LHFPL3: variants seen among roughly 807,000 people sequenced by gnomAD.
LHFPL3 encodes LHFPL tetraspan subfamily member 3, also known as LHFPL tetraspan subfamily member 3 protein.
LHFPL3 carries 5 observed loss-of-function variants against 19.3 expected under a neutral mutation model. The observed-to-expected ratio is 0.26, with a 90% CI of 0.14 to 0.54. LHFPL3 has a LOEUF of 0.54. Ranked by LOEUF, LHFPL3 falls within the 20% of genes least tolerant of loss-of-function variation. The probability of loss-of-function intolerance (pLI) is 0.94; values close to 1 mark genes in which losing one functional copy is unlikely to be tolerated. For synonymous variants in LHFPL3, 133 were observed against 126.2 expected (o/e 1.05, Z -0.36); for missense variants, 249 against 307.4 (o/e 0.81, Z 1.42).
intron 1 of LHFPL3, among the ~76,000 whole-genome samples, chr7:104,479,548 T>A (rs1793091461): frequency 6.6e-6 from 1 of 152,112 alleles, no homozygotes; most frequent in Non-Finnish European, 1.5e-5. Flanking sequence ...CCCACCACCA[T>A]GCCTGGCTAA....
At chr7:104,400,209 A>G (rs1791288179) in intron 1 of LHFPL3, among the ~76,000 whole-genome samples, 1 of 147,188 alleles carries the variant, frequency 6.8e-6, no homozygotes, top group Non-Finnish European at 1.5e-5. Flanking sequence ...ATCTTTGAGC[A>G]TTCACTCAGG....
chr7:104,455,450 G>A (rs528349642), intron 1 of LHFPL3, among the ~76,000 whole-genome samples: 1 of 152,276 alleles, frequency 6.6e-6, no homozygotes, highest in South Asian at 2.1e-4. Flanking sequence ...GCTAGGCGTG[G>A]CAGCTCACAC....
At chr7:104,829,286 A>C (rs1790887421) in intron 2 of LHFPL3, among the ~76,000 whole-genome samples, 1 of 151,170 alleles carries the variant, frequency 6.6e-6, no homozygotes, top group Non-Finnish European at 1.5e-5. Context: ...AAGTAAAAGG[A>C]CCCACTCTTG....
chr7:104,567,432 T>C (rs1335651048), intron 1 of LHFPL3, among the ~76,000 whole-genome samples: 1 of 152,216 alleles, frequency 6.6e-6, no homozygotes, highest in Non-Finnish European at 1.5e-5. Context: ...ATATGGACTT[T>C]GTATATTCTT....
chr7:104,693,413 A>C (rs1792941148), intron 1 of LHFPL3, among the ~76,000 whole-genome samples: 1 of 152,082 alleles, frequency 6.6e-6, no homozygotes, highest in African/African-American at 2.4e-5. Flanking sequence ...TTGTGTTCCC[A>C]CCCAAATCTC....
intron 1 of LHFPL3, among the ~76,000 whole-genome samples, chr7:104,442,213 A>G (rs142835209): frequency 7.7e-4 from 114 of 147,994 alleles, no homozygotes; most frequent in African/African-American, 2.8e-3. Context: ...AGAAAAGTCT[A>G]TTCAATTCTT....
At chr7:104,371,052 G>A (rs1790603610) in intron 1 of LHFPL3, among the ~76,000 whole-genome samples, 1 of 152,052 alleles carries the variant, frequency 6.6e-6, no homozygotes, top group Non-Finnish European at 1.5e-5. Context: ...TGTAATAAAT[G>A]CATGGTTTGC....
chr7:104,580,595 A>G (rs1389817988), intron 1 of LHFPL3, among the ~76,000 whole-genome samples: 1 of 152,134 alleles, frequency 6.6e-6, no homozygotes, highest in Non-Finnish European at 1.5e-5. Context: ...AAAGTTAGGC[A>G]TATTATTCAA....
intron 1 of LHFPL3, among the ~76,000 whole-genome samples, chr7:104,528,064 A>G (rs1007564241): frequency 3.9e-5 from 6 of 152,204 alleles, no homozygotes; most frequent in African/African-American, 7.2e-5. Context: ...AGAGGGTGCG[A>G]GATTCATGTG....
chr7:104,478,651 T>C (rs1793072773), intron 1 of LHFPL3, among the ~76,000 whole-genome samples: 1 of 152,174 alleles, frequency 6.6e-6, no homozygotes, highest in South Asian at 2.1e-4. Flanking sequence ...TACAGTGTGT[T>C]CCATGCATTC....
chr7:104,870,648 A>G (rs1482334413), intron 2 of LHFPL3, among the ~76,000 whole-genome samples: 1 of 152,204 alleles, frequency 6.6e-6, no homozygotes, highest in African/African-American at 2.4e-5. Context: ...GTGGTCTGTG[A>G]CAACGGGAGC....
chr7:104,653,998 A>G (rs1366996496), intron 1 of LHFPL3, among the ~76,000 whole-genome samples: 1 of 152,164 alleles, frequency 6.6e-6, no homozygotes, highest in Non-Finnish European at 1.5e-5. Context: ...CTGCATGACA[A>G]TGCTCACATT....
intron 2 of LHFPL3, among the ~76,000 whole-genome samples, chr7:104,813,071 G>A (rs1584548734): frequency 6.6e-6 from 1 of 151,592 alleles, no homozygotes; most frequent in Non-Finnish European, 1.5e-5. Flanking sequence ...CCGAGATCAT[G>A]CCACTGCACT....
chr7:104,807,327 G>T (rs1275399791), intron 2 of LHFPL3, among the ~76,000 whole-genome samples: 1 of 152,104 alleles, frequency 6.6e-6, no homozygotes, highest in Non-Finnish European at 1.5e-5. Flanking sequence ...CAGAGGACAG[G>T]CATGGAAGAG....
chr7:104,798,440 A>T (rs1455320709), intron 2 of LHFPL3: 2 of 152,226 alleles, frequency 1.3e-5, no homozygotes, highest in Non-Finnish European at 2.9e-5. Context: ...TTTAAGCATC[A>T]CATTTATTAA....
chr7:104,792,913 G>C (rs1012261390), intron 2 of LHFPL3, among the ~76,000 whole-genome samples: 2 of 151,690 alleles, frequency 1.3e-5, no homozygotes, highest in Non-Finnish European at 2.9e-5. Context: ...TTTGTTTTTT[G>C]AGATGGAGTC....
In LHFPL3 at chr7:104,389,566, G is replaced by C. The variant is rs921188383; in HGVS notation, c.445+60342G>C. On this transcript the variant is annotated intron_variant, in intron 1 of 2. Transcript: ENST00000424859. ...GAGGTTCAAAATAATAAAAAGTTTT[G>C]AAGAAGAAGAACAGTTGGGGAATTC... 4.6e-5 allele frequency among the ~76,000 whole-genome samples: 7 copies of C among 151,322 alleles called. No homozygotes were observed. The East Asian group carries it at 5.8e-4, about 13-fold the overall frequency.
chr7:104,734,461 CATTCATTTG>C (rs1344859114), intron 1 of LHFPL3, among the ~76,000 whole-genome samples: 1 of 152,204 alleles, frequency 6.6e-6, no homozygotes, highest in African/African-American at 2.4e-5. Context: ...CACTTCATTT[CATTCATTTG>C]ATCTTCAATC....
intron 1 of LHFPL3, among the ~76,000 whole-genome samples, chr7:104,704,026 T>G (rs1271638545): frequency 6.6e-6 from 1 of 152,212 alleles, no homozygotes; most frequent in African/African-American, 2.4e-5. Flanking sequence ...TTCATGAAAT[T>G]TTTAAGCTGC....
Sources: gnomAD v4.1 joint callset for allele counts (sites outside exome capture counted in the v4.1 genomes callset) on GRCh38, gnomAD v4.1.1 for gene constraint, MANE v1.5 for transcripts, NCBI Gene and HGNC (gene_info 2026-07-23, HGNC 2026-07-21) for gene names.